Variants in SALL4 observed in about 807,000 individuals in gnomAD.
SALL4 encodes spalt like transcription factor 4, also known as sal-like protein 4.
In SALL4, 4 loss-of-function variants were observed where a neutral mutation model predicts 60.8. The observed-to-expected ratio is 0.07, with a 90% CI of 0.03 to 0.15. SALL4 has a LOEUF of 0.15. SALL4 is among the 10% of genes least tolerant of loss of function. SALL4 has a pLI of 1.00. For missense variants in SALL4, 1,178 were observed against 1,394.7 expected, an observed-to-expected ratio of 0.84 and a Z score of 2.48; for synonymous variants, 580 against 574.9, an observed-to-expected ratio of 1.01 and a Z score of -0.13.
At chr20:51,799,042 G>A (rs981905140) in intron 1 of SALL4, among the ~76,000 whole-genome samples, 5 of 152,104 alleles carry the variant, frequency 3.3e-5, no homozygotes, top group African/African-American at 1.2e-4. Context: ...ATTAAAGATA[G>A]CGCACTCGAG....
rs2078033450 is a variant in SALL4, at chr20:51,790,867, C to A, written c.1616G>T (p.Ser539Ile). Reference sequence around the variant, plus strand: ...CTCTGACCCTGGCTCAGGGGTCCCACTCCCTTGGAAGCCACCAGCCCTTGG... The same window carrying A: ...CTCTGACCCTGGCTCAGGGGTCCCAATCCCTTGGAAGCCACCAGCCCTTGG... Reference protein sequence around the residue: ...NSPRAGGFQGSGTPEPGSETL... With the variant: ...NSPRAGGFQGIGTPEPGSETL... Residue 539 changes from serine to isoleucine, a missense_variant, in exon 2 of 4, where the codon AGT (serine) becomes ATT (isoleucine). By Grantham distance (142) the Ser-to-Ile change is moderately radical. Around this residue, in one of 5 missense-constraint regions of SALL4, gnomAD observed 853 missense variants for 1,036.8 expected, o/e 0.82. Transcript: ENST00000217086. This position sits in a 1 kb window ranked among gnomAD's most constrained non-coding sequence, Gnocchi z 5.5. 6.2e-7 allele frequency: 1 copy of A among 1,614,034 alleles called. No homozygotes were observed. Among genetic ancestry groups the A allele is most frequent in the South Asian group, 1.1e-5 (1 of 91,078 alleles).
chr20:51,787,435 T>C (rs1177768668), intron 3 of SALL4, among the ~76,000 whole-genome samples: 1 of 152,114 alleles, frequency 6.6e-6, no homozygotes, highest in African/African-American at 2.4e-5. Context: ...CTGATGCAGC[T>C]GACATCTAAA....
In SALL4 at chr20:51,789,053, T is replaced by C. The variant is rs1375986049; in HGVS notation, c.2550A>G (p.Thr850=). ...EVPGTFVGPS[T]LSPGMTPLLA... ...ACAAAGGGGTCATCCCTGGGGACAA[T>C]GTCGAGGGTCCCACAAATGTGCCAG... The change falls in exon 3 of 4, where the codon ACA becomes ACG. Residue 850 remains threonine (T), a synonymous_variant. Coordinates refer to ENST00000217086, the MANE Select transcript of SALL4 (RefSeq NM_020436.5). The C allele has an allele frequency of 2.5e-6, 4 of 1,614,010 alleles. No homozygotes were observed. The highest frequency in any genetic ancestry group is 4.5e-5 in the East Asian group (2 of 44,882).
At chr20:51,792,806 G>T in intron 1 of SALL4, 1 of 1,055,414 alleles carries the variant, frequency 9.5e-7, no homozygotes, top group Non-Finnish European at 1.1e-6. Flanking sequence ...ACTTGGGACT[G>T]TGTTTTAGCC....
chr20:51,784,630 A>G lies in SALL4; in HGVS notation c.2797T>C (p.Leu933=), dbSNP rs1198092565. 2 of 1,614,186 alleles carry G rather than the reference A, an allele frequency of 1.2e-6. No homozygotes were observed. The highest frequency in any genetic ancestry group is 2.2e-5 in the South Asian group (2 of 91,080). Residue 933 remains leucine (L), a synonymous_variant, in exon 4 of 4, where the codon TTG becomes CTG. Transcript: ENST00000217086. ...NNNSARRGRK[L]AIENTMALLG... ...AGAGCCATGGTGTTCTCGATGGCCA[A>G]CTTCCTTCCACGGCGGGCTGAGTTA... is the stretch of plus-strand genomic sequence containing the variant.
intron 1 of SALL4, chr20:51,792,990 C>T (rs772288786): frequency 5.1e-6 from 5 of 987,924 alleles, no homozygotes; most frequent in Non-Finnish European, 6.0e-6. Context: ...TAAATCTAAA[C>T]CACACAAGAC....
In SALL4 at chr20:51,793,531, A is replaced by C. The variant is rs750374320; in HGVS notation, c.131-1179T>G. Among the ~76,000 whole-genome samples the C allele has an allele frequency of 1.3e-5, 2 of 152,164 alleles. 1 individual carries two copies. The highest frequency in any genetic ancestry group is 2.9e-5 in the Non-Finnish European group (2 of 68,016). ...GAGTGCAGTGGCCCAATCTTGGCTC[A>C]CTGTAACCTCCGCCTCCTGGATTCA... On this transcript the variant is annotated intron_variant, in intron 1 of 3. Transcript: ENST00000217086.
In SALL4 at chr20:51,801,921, G is replaced by T. The variant is rs544215947; in HGVS notation, c.130+358C>A. Among the ~76,000 whole-genome samples, 2,743 of 80,604 alleles carry T rather than the reference G, an allele frequency of 0.034. 34 individuals carry two copies. Among genetic ancestry groups the T allele is most frequent in the Non-Finnish European group, 0.062 (2,027 of 32,680 alleles). The allele number at this position is 80,604 out of a possible 152,430, so 52.9% of individuals were successfully genotyped here. The stretch of plus-strand genomic sequence containing the variant: ...GAGGGAGGGGGACCTAAGTTACAAG[G>T]GGGGGGGGTAACACCAGTGAGGGGA... On this transcript the variant is annotated intron_variant, in intron 1 of 3. Coordinates refer to ENST00000217086, the MANE Select transcript of SALL4 (RefSeq NM_020436.5). The surrounding 1 kb of genome is among the most constrained non-coding windows in gnomAD (Gnocchi z 5.2).
chr20:51,784,974 G>T (rs927295524), intron 3 of SALL4, among the ~76,000 whole-genome samples: 2 of 152,052 alleles, frequency 1.3e-5, no homozygotes, highest in African/African-American at 4.8e-5. Flanking sequence ...ATCATCTAAC[G>T]CAAAGCCTAT....
rs557930462 is a variant in SALL4, at chr20:51,799,103, C to T, written c.130+3176G>A. Among the ~76,000 whole-genome samples the T allele has an allele frequency of 3.3e-5, 5 of 152,308 alleles. No individual in the cohort carries two copies. In the South Asian group the frequency reaches 1.0e-3, roughly 32 times the overall value. On this transcript the variant is annotated intron_variant, in intron 1 of 3. Transcript: ENST00000217086. ...GCACACTGCCATTTCTGCTAGATTG[C>T]CTCAACTGGCAGCTCAACACCATCT...
chr20:51,790,374 G>A lies in SALL4; in HGVS notation c.2109C>T (p.Ser703=). The A allele has an allele frequency of 6.2e-7, 1 of 1,614,114 alleles. No individual in the cohort carries two copies. Among genetic ancestry groups the A allele is most frequent in the South Asian group, 1.1e-5 (1 of 91,082 alleles). Residue 703 remains serine, a synonymous_variant, in exon 2 of 4, where the codon AGC becomes AGT. Coordinates refer to ENST00000217086, the MANE Select transcript of SALL4 (RefSeq NM_020436.5). This position sits in a 1 kb window ranked among gnomAD's most constrained non-coding sequence, Gnocchi z 5.5. Reference sequence around the variant, plus strand: ...GAGGCGTGGGGACCTTGGAGGAGCTGCTGGGAGCCTCCTGGGAGCTGACTT... The same window carrying A: ...GAGGCGTGGGGACCTTGGAGGAGCTACTGGGAGCCTCCTGGGAGCTGACTT... ...VEEVSSQEAP[S]SSSKVPTPLP... is the part of the protein sequence containing the mutation.
At chr20:51,793,035 G>GT (rs912485416) in intron 1 of SALL4, 58 of 966,108 alleles carry the variant, frequency 6.0e-5, no homozygotes, top group African/African-American at 8.8e-5. Context: ...AGGTTTTCTT[G>GT]TTTTTTCAGA....
At chr20:51,798,254 GAAAA>G (rs2078090120) in intron 1 of SALL4, among the ~76,000 whole-genome samples, 1 of 152,100 alleles carries the variant, frequency 6.6e-6, no homozygotes, top group Non-Finnish European at 1.5e-5. Flanking sequence ...TGCTGGAGAG[GAAAA>G]AAAGAGTAAA....
At position 51,791,594 on chromosome 20, in the gene SALL4, C is replaced by T. The variant is rs1448426581; in HGVS notation, c.889G>A (p.Ala297Thr). ...DALKQAKLPH[A>T]NIPSATSSLS... ...GAGCTGGTGGCAGAAGGGATGTTGG[C>T]GTGAGGTAGCTTGGCTTGTTTCAAG... The change falls in exon 2 of 4, where the codon GCC becomes ACC. Residue 297 changes from alanine to threonine, a missense_variant. By Grantham distance (58) the Ala-to-Thr change is moderately conservative. Around this residue, in one of 5 missense-constraint regions of SALL4, gnomAD observed 853 missense variants for 1,036.8 expected, o/e 0.82. Transcript: ENST00000217086. The surrounding 1 kb of genome is among the most constrained non-coding windows in gnomAD (Gnocchi z 4.6). 4 of 1,613,382 alleles carry T rather than the reference C, an allele frequency of 2.5e-6. No homozygotes were observed. The highest frequency in any genetic ancestry group is 1.7e-6 in the Non-Finnish European group (2 of 1,180,050).
rs567984575 is a variant in SALL4, at chr20:51,782,890, T to C, written c.*1375A>G. On this transcript the variant is annotated 3_prime_UTR_variant, in exon 4 of 4. Coordinates refer to ENST00000217086, the MANE Select transcript of SALL4 (RefSeq NM_020436.5). Reference sequence around the variant, plus strand: ...CTTCAGCGGTCTTAAAATAGGAAAATAGACACTATGGCTACAAAAAATAAA... The same window carrying C: ...CTTCAGCGGTCTTAAAATAGGAAAACAGACACTATGGCTACAAAAAATAAA... 4 of 151,774 alleles carry C rather than the reference T, an allele frequency of 2.6e-5. No homozygotes were observed. Among genetic ancestry groups the C allele is most frequent in the East Asian group, 1.9e-4 (1 of 5,184 alleles). The allele number at this position is 151,774 out of a possible 1,614,324, so 9.4% of individuals were successfully genotyped here. A position where few individuals can be genotyped will look rare whatever the true frequency, so the allele number is the denominator to read the frequency against.
intron 1 of SALL4, 137 bp from the exon 2 acceptor site, chr20:51,792,489 G>A: frequency 9.1e-7 from 1 of 1,099,976 alleles, no homozygotes; most frequent in Non-Finnish European, 1.3e-6. Flanking sequence ...GGGAATTCAA[G>A]ACCAGTCTGG....
rs147271074 is a variant in SALL4, at chr20:51,796,047, T to G, written c.131-3695A>C. Among the ~76,000 whole-genome samples the G allele has an allele frequency of 7.4e-3, 1,116 of 151,712 alleles. 11 individuals are homozygous for G. Among genetic ancestry groups the G allele is most frequent in the African/African-American group, 0.023 (966 of 41,368 alleles). The stretch of plus-strand genomic sequence containing the variant: ...CTGTCTCTACTAAAAATAGAAAAAT[T>G]AGCCAGGTGTGATGGTGTGCGCATC... On this transcript the variant is annotated intron_variant, in intron 1 of 3. Coordinates refer to ENST00000217086, the MANE Select transcript of SALL4 (RefSeq NM_020436.5).
intron 1 of SALL4, among the ~76,000 whole-genome samples, chr20:51,798,692 C>T (rs1476417301): frequency 1.3e-5 from 2 of 151,954 alleles, no homozygotes; most frequent in Admixed American, 6.6e-5. Flanking sequence ...TCATCTAAAC[C>T]GTGTGAAGGC....
At position 51,791,694 on chromosome 20, in the gene SALL4, G is replaced by A. The variant is rs374042570; in HGVS notation, c.789C>T (p.His263=). The A allele has an allele frequency of 1.5e-5, 24 of 1,614,108 alleles. No homozygotes were observed. The highest frequency in any genetic ancestry group is 2.7e-5 in the African/African-American group (2 of 74,960). The change falls in exon 2 of 4, where the codon CAC becomes CAT. Residue 263 remains histidine (H), a synonymous_variant. Transcript: ENST00000217086. The surrounding 1 kb of genome is among the most constrained non-coding windows in gnomAD (Gnocchi z 4.6). ...CAGCTGCAGAAACCTGCTGAGACATGTGGCTGCCCAAGGTCTTCAGAGTGT... is the reference window on the plus strand; with the variant it reads ...CAGCTGCAGAAACCTGCTGAGACATATGGCTGCCCAAGGTCTTCAGAGTGT... The part of the protein sequence containing the change: ...GADTLKTLGS[H]MSQQVSAAVA...
Sources: allele counts gnomAD v4.1 joint callset (sites outside exome capture counted in the v4.1 genomes callset), GRCh38; gene constraint gnomAD v4.1.1; regional missense constraint gnomAD v4.1.1; non-coding constraint Gnocchi (gnomAD v3.1); transcripts MANE v1.5; gene names NCBI Gene and HGNC (gene_info 2026-07-23, HGNC 2026-07-21).